Variants in RAD51B observed in about 807,000 individuals in gnomAD.
The protein encoded by RAD51B is RAD51 paralog B.
Under a neutral mutation model 42.2 loss-of-function variants are expected in RAD51B, and 38 were observed. That is an observed-to-expected ratio of 0.90 (90% confidence interval 0.70 to 1.18). RAD51B has a LOEUF of 1.18. Among genes scored for constraint, RAD51B ranks in the 50% most tolerant of loss-of-function variants. The pLI, the probability that RAD51B is intolerant of heterozygous loss-of-function variation, is 0.00. For synonymous variants in RAD51B, 154 were observed against 145.2 expected (o/e 1.06, Z -0.43); for missense variants, 373 against 400.7 (o/e 0.93, Z 0.59).
At chr14:68,470,339 G>A (rs1453995154) in intron 10 of RAD51B, among the ~76,000 whole-genome samples, 1 of 152,222 alleles carries the variant, frequency 6.6e-6, no homozygotes, top group East Asian at 1.9e-4. Context: ...TACCAGCAAT[G>A]CCCTTGAAAA....
chr14:68,206,651 TTCTGGTATCATA>T (rs1393221808), intron 7 of RAD51B, among the ~76,000 whole-genome samples: 1 of 152,062 alleles, frequency 6.6e-6, no homozygotes, highest in African/African-American at 2.4e-5. Flanking sequence ...AGCCAGTATG[TTCTGGTATCATA>T]TCTCCACCGT....
chr14:68,429,082 A>T (rs571424182), intron 9 of RAD51B, among the ~76,000 whole-genome samples: 1 of 152,044 alleles, frequency 6.6e-6, no homozygotes, highest in South Asian at 2.1e-4. Flanking sequence ...AAGGACATGA[A>T]CTCATCATTT....
intron 10 of RAD51B, among the ~76,000 whole-genome samples, chr14:68,626,381 C>T (rs1394338795): frequency 1.3e-5 from 2 of 152,224 alleles, no homozygotes; most frequent in African/African-American, 2.4e-5. Flanking sequence ...CTACCTACTG[C>T]TACACAACAG....
At chr14:68,500,958 T>C (rs573238555) in intron 10 of RAD51B, among the ~76,000 whole-genome samples, 1 of 152,306 alleles carries the variant, frequency 6.6e-6, no homozygotes, top group Middle Eastern at 3.4e-3. Context: ...TCCCCTCTTA[T>C]AGGGCTAAAC....
chr14:68,134,485 A>G (rs886786375), intron 7 of RAD51B, among the ~76,000 whole-genome samples: 7 of 152,206 alleles, frequency 4.6e-5, no homozygotes, highest in East Asian at 1.9e-4. Flanking sequence ...TGGGTTGTAT[A>G]GTAAATCTAT....
intron 9 of RAD51B, among the ~76,000 whole-genome samples, chr14:68,453,072 G>A (rs1271509853): frequency 6.6e-6 from 1 of 152,140 alleles, no homozygotes; most frequent in African/African-American, 2.4e-5. Flanking sequence ...GCACATGTGT[G>A]TGTATGTGCA....
At chr14:67,856,802 A>G (rs1595010738) in intron 4 of RAD51B, among the ~76,000 whole-genome samples, 1 of 147,092 alleles carries the variant, frequency 6.8e-6, no homozygotes, top group Non-Finnish European at 1.5e-5. Flanking sequence ...AATTATTAAC[A>G]TTTTCTTCCT....
chr14:68,078,402 C>T (rs2076866143), intron 7 of RAD51B, among the ~76,000 whole-genome samples: 1 of 152,170 alleles, frequency 6.6e-6, no homozygotes, highest in African/African-American at 2.4e-5. Flanking sequence ...TTACATTCAG[C>T]TCTTGTCCTT....
intron 9 of RAD51B, among the ~76,000 whole-genome samples, chr14:68,454,281 A>C (rs564047183): frequency 6.6e-6 from 1 of 152,310 alleles, no homozygotes; most frequent in Admixed American, 6.5e-5. Flanking sequence ...AGGAGACTCA[A>C]TTTTCAGCAT....
chr14:67,986,231 A>G (rs2075190356), intron 7 of RAD51B, among the ~76,000 whole-genome samples: 1 of 152,226 alleles, frequency 6.6e-6, no homozygotes, highest in Admixed American at 6.5e-5. Context: ...CAAATTAAAA[A>G]TATTCATAAG....
At chr14:67,927,701 GTA>G (rs1038062516) in intron 7 of RAD51B, among the ~76,000 whole-genome samples, 18 of 129,838 alleles carry the variant, frequency 1.4e-4, no homozygotes, top group East Asian at 4.0e-4. Flanking sequence ...GTATTTCATT[GTA>G]TGTGTGTGTG....
At chr14:68,494,633 T>C (rs73278398) in intron 10 of RAD51B, among the ~76,000 whole-genome samples, 217 of 152,270 alleles carry the variant, frequency 1.4e-3, no homozygotes, top group Middle Eastern at 6.8e-3. Context: ...TTTGTTTGCC[T>C]TCAAGTCGGG....
At chr14:68,302,250 C>T (rs2081756497) in intron 8 of RAD51B, among the ~76,000 whole-genome samples, 1 of 152,126 alleles carries the variant, frequency 6.6e-6, no homozygotes, top group Admixed American at 6.6e-5. Context: ...CTATGGGAAG[C>T]TCACAATCAG....
intron 8 of RAD51B, among the ~76,000 whole-genome samples, chr14:68,391,136 G>GTCTTTCTTTCTTTCTTTCTT (rs36073427): frequency 0.011 from 1,603 of 141,648 alleles, 21 homozygotes; most frequent in East Asian, 0.029. Flanking sequence ...TATGAGACTT[G>GTCTTTCTTTCTTTCTTTCTT]TCTTTCTTTC....
intron 7 of RAD51B, among the ~76,000 whole-genome samples, chr14:68,264,126 T>C (rs1234832323): frequency 6.6e-6 from 1 of 152,174 alleles, no homozygotes; most frequent in Non-Finnish European, 1.5e-5. Flanking sequence ...CTGAAAACAA[T>C]AGAGCTCTAG....
At chr14:67,926,531 C>G (rs1330699084) in intron 7 of RAD51B, among the ~76,000 whole-genome samples, 1 of 146,930 alleles carries the variant, frequency 6.8e-6, no homozygotes, top group Non-Finnish European at 1.5e-5. Flanking sequence ...ATAGACAGAT[C>G]ATGCCAGTGT....
intron 7 of RAD51B, among the ~76,000 whole-genome samples, chr14:68,186,704 G>A (rs1016890628): frequency 6.6e-6 from 1 of 152,034 alleles, no homozygotes; most frequent in African/African-American, 2.4e-5. Context: ...CTATTAAAAA[G>A]CCAAAAAACA....
In RAD51B at chr14:67,888,810, G is replaced by A. The variant is rs552151248; in HGVS notation, c.756+1606G>A. 1.4e-4 allele frequency among the ~76,000 whole-genome samples: 22 copies of A among 152,230 alleles called. No individual in the cohort carries two copies. The South Asian group carries it at 4.1e-3, about 29-fold the overall frequency. The stretch of plus-strand genomic sequence containing the variant: ...AAACACTGCACCATTTTATATGAGG[G>A]ACTTGAGCATCCGTGGATTATGGTA... On this transcript the variant is annotated intron_variant, in intron 7 of 10. Coordinates refer to ENST00000471583, the MANE Select transcript of RAD51B (RefSeq NM_133510.4).
downstream of RAD51B, among the ~76,000 whole-genome samples, chr14:68,479,667 C>CTTTTTTTTT (rs34999023): frequency 4.7e-4 from 45 of 96,434 alleles, no homozygotes; most frequent in Non-Finnish European, 6.1e-4. Context: ...TCTTATTCTT[C>CTTTTTTTTT]TTTTTTTTTT....
Sources: allele counts gnomAD v4.1 joint callset (sites outside exome capture counted in the v4.1 genomes callset), GRCh38; gene constraint gnomAD v4.1.1; transcripts MANE v1.5; gene names NCBI Gene and HGNC (gene_info 2026-07-23, HGNC 2026-07-21).